The following CPXM2 variants were observed in gnomAD, a reference collection of about 807,000 sequenced individuals.
CPXM2 encodes carboxypeptidase X, M14 family member 2, also known as inactive carboxypeptidase-like protein X2.
A neutral mutation model predicts 86.1 loss-of-function variants in CPXM2; 66 were observed. That is an observed-to-expected ratio of 0.77 (90% CI 0.63 to 0.94). CPXM2 has a LOEUF of 0.94. Ranked by LOEUF, CPXM2 falls within the 40% of genes least tolerant of loss-of-function variation. CPXM2 has a pLI of 0.00. For synonymous variants in CPXM2, 388 were observed against 400.2 expected, an observed-to-expected ratio of 0.97 and a Z score of 0.36; for missense variants, 948 against 1,026.3, an observed-to-expected ratio of 0.92 and a Z score of 1.04.
chr10:123,885,748 A>G lies in CPXM2; in HGVS notation c.305-5439T>C, dbSNP rs551348525. 1.0e-3 allele frequency among the ~76,000 whole-genome samples: 155 copies of G among 152,276 alleles called. No individual in the cohort carries two copies. Among genetic ancestry groups the G allele is most frequent in the African/African-American group, 3.6e-3 (151 of 41,560 alleles). On this transcript the variant is annotated intron_variant, in intron 1 of 13. Coordinates refer to ENST00000241305, the MANE Select transcript of CPXM2 (RefSeq NM_198148.3). This position sits in a 1 kb window ranked among gnomAD's most constrained non-coding sequence, Gnocchi z 4.0. ...CCATTGCTGGAGATGCCAAGCCTGA[A>G]TGCTCAGGCTCCCTGGACCCTCAGG...
intron 2 of CPXM2, among the ~76,000 whole-genome samples, chr10:123,919,037 C>G (rs1046506455): frequency 7.5e-6 from 1 of 134,218 alleles, no homozygotes; most frequent in Non-Finnish European, 1.6e-5. Flanking sequence ...AAGAGAGCCC[C>G]TAAATCTGTT....
At position 123,932,082 on chromosome 10, in the gene CPXM2, T is replaced by C. The variant is rs77232418; in HGVS notation, n.174+7395A>G. ...ATATGTGAGTCTACGAAGGTACAGGTGAAACTGTACAAGAGGAAGGTGTCA... is the reference window on the plus strand; with the variant it reads ...ATATGTGAGTCTACGAAGGTACAGGCGAAACTGTACAAGAGGAAGGTGTCA... On this transcript the variant is annotated intron_variant and non_coding_transcript_variant, in intron 2 of 19. Coordinates refer to the CPXM2 transcript ENST00000368854. Among the ~76,000 whole-genome samples the C allele has an allele frequency of 3.8e-3, 581 of 152,190 alleles. 1 individual carries two copies. The highest frequency in any genetic ancestry group is 0.013 in the African/African-American group (549 of 41,516).
intron 11 of CPXM2, among the ~76,000 whole-genome samples, chr10:123,758,284 G>C (rs1846260152): frequency 6.6e-6 from 1 of 152,156 alleles, no homozygotes; most frequent in Admixed American, 6.5e-5. Context: ...CTGAAATCAA[G>C]GTGTCTGTGG....
At chr10:123,788,556 C>T (rs532925856) in intron 6 of CPXM2, among the ~76,000 whole-genome samples, 17 of 152,256 alleles carry the variant, frequency 1.1e-4, no homozygotes, top group African/African-American at 2.6e-4. Flanking sequence ...TGCTTGTTCC[C>T]GCCCTTGCCT....
intron 4 of CPXM2, among the ~76,000 whole-genome samples, chr10:123,824,051 T>C (rs2134117699): frequency 6.6e-6 from 1 of 152,362 alleles, no homozygotes; most frequent in Admixed American, 6.5e-5. Context: ...TTCCAATGCA[T>C]GCAAGGATTG....
chr10:123,757,527 TAGAA>T (rs1251984395), intron 11 of CPXM2, among the ~76,000 whole-genome samples, 175 bp from the exon 12 acceptor site: 2 of 152,194 alleles, frequency 1.3e-5, no homozygotes, highest in East Asian at 1.9e-4. Context: ...GTGTGTGAGT[TAGAA>T]AGAGTTTGGA....
Position 123,880,248 on chromosome 10 carries a change from A to T in CPXM2, c.366T>A (p.Asp122Glu), listed in dbSNP as rs963455416. 43 of 1,593,846 alleles carry T rather than the reference A, an allele frequency of 2.7e-5. No homozygotes were observed. Among genetic ancestry groups the T allele is most frequent in the Non-Finnish European group, 3.6e-5 (42 of 1,166,692 alleles). ...TKSSEKAAND[D>E]HSVRVAREDV... is the part of the protein sequence containing the mutation. Reference sequence around the variant, plus strand: ...CTTCACGGGCCACACGGACACTGTGATCATCGTTGGCAGCCTTCTCAGAGC... The same window carrying T: ...CTTCACGGGCCACACGGACACTGTGTTCATCGTTGGCAGCCTTCTCAGAGC... Residue 122 changes from aspartate to glutamate, a missense_variant, in exon 2 of 14, where the codon GAT (aspartate) becomes GAA (glutamate). Physicochemically the swap from Asp to Glu is conservative, Grantham distance 45 (BLOSUM62 2). Transcript: ENST00000241305.
At chr10:123,936,650 A>G (rs1007392579) in intron 2 of CPXM2, among the ~76,000 whole-genome samples, 4 of 152,194 alleles carry the variant, frequency 2.6e-5, no homozygotes. Context: ...GGGCAATGAC[A>G]TCATACAACT....
At chr10:123,917,007 A>G (rs1435700025) in intron 2 of CPXM2, among the ~76,000 whole-genome samples, 1 of 151,978 alleles carries the variant, frequency 6.6e-6, no homozygotes, top group Non-Finnish European at 1.5e-5. Flanking sequence ...AATGACAGAT[A>G]GGGAGATGGG....
intron 2 of CPXM2, among the ~76,000 whole-genome samples, chr10:123,911,341 CCCCGG>C (rs1419053010): frequency 2.6e-5 from 4 of 152,032 alleles, no homozygotes; most frequent in Non-Finnish European, 5.9e-5. Context: ...GGGACAGGTC[CCCCGG>C]CAGCTGCTAG....
intron 2 of CPXM2, among the ~76,000 whole-genome samples, chr10:123,870,971 A>G (rs1228955687): frequency 6.6e-6 from 1 of 152,050 alleles, no homozygotes; most frequent in East Asian, 1.9e-4. Context: ...AAGCTCAGAG[A>G]TTTTCTTTCC....
intron 2 of CPXM2, among the ~76,000 whole-genome samples, chr10:123,900,257 G>A (rs968430407): frequency 6.6e-6 from 1 of 152,132 alleles, no homozygotes; most frequent in South Asian, 2.1e-4. Flanking sequence ...GGCCAGGCTG[G>A]TCTTAATCTT....
intron 4 of CPXM2, among the ~76,000 whole-genome samples, chr10:123,840,939 A>T (rs11248297): frequency 5.3e-4 from 81 of 152,328 alleles, no homozygotes; most frequent in African/African-American, 1.8e-3. Flanking sequence ...TTAAACTCTG[A>T]TTTTATTTGA....
At chr10:123,764,630 T>C (rs910193649) in intron 10 of CPXM2, among the ~76,000 whole-genome samples, 1 of 151,956 alleles carries the variant, frequency 6.6e-6, no homozygotes, top group East Asian at 1.9e-4. Context: ...GGGACCACAG[T>C]TGTGCACCAC....
intron 2 of CPXM2, among the ~76,000 whole-genome samples, chr10:123,928,492 T>C (rs1468881110): frequency 1.3e-5 from 2 of 152,236 alleles, no homozygotes; most frequent in Non-Finnish European, 2.9e-5. Flanking sequence ...AATTGTGGCA[T>C]CTCTCTCCCC....
intron 7 of CPXM2, among the ~76,000 whole-genome samples, chr10:123,772,448 G>A (rs955699627): frequency 2.0e-5 from 3 of 151,798 alleles, no homozygotes; most frequent in African/African-American, 7.3e-5. Context: ...CTCCCTGGGT[G>A]TAGTTGTCAC....
chr10:123,768,454 G>A (rs1182424630), intron 9 of CPXM2, 72 bp downstream of exon 9: 8 of 1,220,954 alleles, frequency 6.6e-6, no homozygotes, highest in Non-Finnish European at 9.2e-6. Context: ...CATAGCCCTA[G>A]GGCCAGACAT....
chr10:123,757,405 G>A, intron 11 of CPXM2, 53 bp from the exon 12 acceptor site: 1 of 1,507,046 alleles, frequency 6.6e-7, no homozygotes, highest in Non-Finnish European at 9.2e-7. Context: ...AAATGGCACT[G>A]GGGAATGCGG....
Position 123,757,337 on chromosome 10 carries a change from C to G in CPXM2, c.1793G>C (p.Ser598Thr). 1 of 1,613,686 alleles carries G rather than the reference C, an allele frequency of 6.2e-7. No homozygotes were observed. The highest frequency in any genetic ancestry group is 8.5e-7 in the Non-Finnish European group (1 of 1,179,636). ...TTCGAAGCAGTTTGTATGAAGGTAGCTGAAATCGTTCAGACCTGCCAAGCC... is the reference window on the plus strand; with the variant it reads ...TTCGAAGCAGTTTGTATGAAGGTAGGTGAAATCGTTCAGACCTGCCAAGCC... ...HTVAGSLNDF[S>T]YLHTNCFELS... The change falls in exon 12 of 14, where the codon AGC (serine) becomes ACC (threonine). Residue 598 changes from serine (S) to threonine (T), a missense_variant. By Grantham distance (58) the Ser-to-Thr change is moderately conservative. Transcript: ENST00000241305.
Sources: gnomAD v4.1 joint callset for allele counts (sites outside exome capture counted in the v4.1 genomes callset) on GRCh38, gnomAD v4.1.1 for gene constraint, Gnocchi (gnomAD v3.1) non-coding constraint, MANE v1.5 for transcripts, NCBI Gene and HGNC (gene_info 2026-07-23, HGNC 2026-07-21) for gene names.